YPEL1: variants seen among roughly 807,000 people sequenced by gnomAD.
YPEL1 encodes protein yippee-like 1.
YPEL1 carries 7 observed loss-of-function variants against 17.3 expected under a neutral mutation model. The ratio of observed to expected loss-of-function variants is 0.40; its 90% CI spans 0.23 to 0.76. The LOEUF (loss-of-function observed/expected upper bound fraction) is 0.76, where lower values mean the gene tolerates loss of function less well. Among genes scored for constraint, YPEL1 ranks in the 30% least tolerant of loss-of-function variants. The pLI is 0.35. For synonymous variants in YPEL1, 59 were observed against 59.6 expected (o/e 0.99, Z 0.05); for missense variants, 91 against 155.5 (o/e 0.59, Z 2.21).
intron 1 of YPEL1, among the ~76,000 whole-genome samples, chr22:21,728,172 GTGGTGTCACC>G (rs2068354046): frequency 6.6e-6 from 1 of 152,116 alleles, no homozygotes. Context: ...GTGAGAGGTG[GTGGTGTCACC>G]TGCCCGGCCA....
intron 2 of YPEL1, among the ~76,000 whole-genome samples, chr22:21,707,349 A>G (rs2068125449): frequency 6.6e-6 from 1 of 152,100 alleles, no homozygotes; most frequent in Admixed American, 6.6e-5. Flanking sequence ...CCCGGGAGAC[A>G]GAGGTTGCAG....
chr22:21,710,962 C>G (rs11914240), intron 1 of YPEL1, 54 bp from the exon 2 acceptor site: 1 of 568,790 alleles, frequency 1.8e-6, no homozygotes, highest in African/African-American at 1.9e-5. Context: ...GCGTGTGAAG[C>G]AGGTACATAT....
intron 1 of YPEL1, among the ~76,000 whole-genome samples, chr22:21,734,447 A>G (rs1449233991): frequency 6.6e-6 from 1 of 152,202 alleles, no homozygotes; most frequent in African/African-American, 2.4e-5. Context: ...TTTTTCCAAA[A>G]TAAGAAGTTA....
intron 1 of YPEL1, among the ~76,000 whole-genome samples, chr22:21,723,768 C>G (rs1484120037): frequency 6.6e-6 from 1 of 150,872 alleles, no homozygotes; most frequent in African/African-American, 2.4e-5. Flanking sequence ...CAGGTTCAAA[C>G]GATTCTCCTG....
chr22:21,733,029 T>C (rs2068403400), intron 1 of YPEL1, among the ~76,000 whole-genome samples: 1 of 152,104 alleles, frequency 6.6e-6, no homozygotes, highest in South Asian at 2.1e-4. Context: ...GGCTGTAGGA[T>C]TGCTTGAGCC....
At chr22:21,708,455 T>G (rs545791640) in intron 2 of YPEL1, among the ~76,000 whole-genome samples, 14 of 145,236 alleles carry the variant, frequency 9.6e-5, no homozygotes, top group African/African-American at 3.6e-4. Flanking sequence ...CATGTCTCAG[T>G]CTCCCAAATA....
At position 21,703,545 on chromosome 22, in the gene YPEL1, G is replaced by T; in HGVS notation, c.162-67C>A. Reference sequence around the variant, plus strand: ...CCCCTGACCAGGCCCTGCCCCCTCAGCGGGCCCCACCCCATCCTCCTAAGA... The same window carrying T: ...CCCCTGACCAGGCCCTGCCCCCTCATCGGGCCCCACCCCATCCTCCTAAGA... On this transcript the variant is annotated intron_variant, in intron 3 of 4. Transcript: ENST00000339468. The surrounding 1 kb of genome is among the most constrained non-coding windows in gnomAD (Gnocchi z 6.1). 1.4e-6 allele frequency: 2 copies of T among 1,428,694 alleles called. No individual in the cohort carries two copies. Among genetic ancestry groups the T allele is most frequent in the Non-Finnish European group, 1.9e-6 (2 of 1,028,904 alleles). 88.5% of individuals were successfully genotyped at this position (1,428,694 alleles called of 1,614,324 possible). A position where few individuals can be genotyped will look rare whatever the true frequency, so the allele number is the denominator to read the frequency against.
chr22:21,731,606 G>A (rs1343048028), intron 1 of YPEL1, among the ~76,000 whole-genome samples: 2 of 151,928 alleles, frequency 1.3e-5, no homozygotes, highest in African/African-American at 2.4e-5. Context: ...CGTTTGGGTG[G>A]CGGGGGTATA....
At position 21,697,756 on chromosome 22, in the gene YPEL1, A is replaced by C. The variant is rs2067995313; in HGVS notation, c.*3373T>G. On this transcript the variant is annotated 3_prime_UTR_variant, in exon 5 of 5. Coordinates refer to ENST00000339468, the MANE Select transcript of YPEL1 (RefSeq NM_013313.5). ...GGGCCATCTGCTCCCAGGGCAGGGG[A>C]CAGGCCACCAAGGACCTTTGGCAAA... 2 of 152,478 alleles carry C rather than the reference A, an allele frequency of 1.3e-5. No individual in the cohort carries two copies. Among genetic ancestry groups the C allele is most frequent in the Admixed American group, 1.3e-4 (2 of 15,298 alleles). 9.4% of individuals were successfully genotyped at this position (152,478 alleles called of 1,614,324 possible).
chr22:21,729,533 C>T (rs1382210314), intron 1 of YPEL1, among the ~76,000 whole-genome samples: 1 of 148,370 alleles, frequency 6.7e-6, no homozygotes, highest in Non-Finnish European at 1.5e-5. Flanking sequence ...GCCAGGAGGT[C>T]AAGGTTGCTG....
At chr22:21,707,305 T>C (rs767476849) in intron 2 of YPEL1, among the ~76,000 whole-genome samples, 1 of 152,076 alleles carries the variant, frequency 6.6e-6, no homozygotes, top group Non-Finnish European at 1.5e-5. Flanking sequence ...TAGTCCCAGC[T>C]ACTCAGAAGG....
intron 1 of YPEL1, among the ~76,000 whole-genome samples, chr22:21,719,249 T>C (rs1325517220): frequency 2.0e-5 from 3 of 152,338 alleles, no homozygotes; most frequent in South Asian, 2.1e-4. Context: ...ATGTGACAAC[T>C]TGTCAGTAGC....
At chr22:21,721,359 C>T (rs1045202069) in intron 1 of YPEL1, among the ~76,000 whole-genome samples, 7 of 151,944 alleles carry the variant, frequency 4.6e-5, no homozygotes, top group African/African-American at 1.7e-4. Flanking sequence ...ACCTCGTGAT[C>T]TGCCCGCCGC....
At chr22:21,707,242 A>AC (rs368657439) in intron 2 of YPEL1, among the ~76,000 whole-genome samples, 2 of 152,048 alleles carry the variant, frequency 1.3e-5, no homozygotes, top group Admixed American at 6.6e-5. Flanking sequence ...ACATGGTGAA[A>AC]CCCCCTCTAC....
chr22:21,721,018 C>T (rs561058354), intron 1 of YPEL1, among the ~76,000 whole-genome samples: 3 of 152,004 alleles, frequency 2.0e-5, no homozygotes, highest in African/African-American at 7.2e-5. Flanking sequence ...ACCATGTTGG[C>T]CAGGCTGGTC....
intron 1 of YPEL1, among the ~76,000 whole-genome samples, chr22:21,715,636 C>T (rs563238873): frequency 4.0e-5 from 6 of 151,598 alleles, no homozygotes; most frequent in East Asian, 3.9e-4. Flanking sequence ...GGCTGGAGTG[C>T]GATGGCACCA....
Position 21,698,548 on chromosome 22 carries a change from C to T in YPEL1, c.*2581G>A, listed in dbSNP as rs1444355095. On this transcript the variant is annotated 3_prime_UTR_variant, in exon 5 of 5. Coordinates refer to ENST00000339468, the MANE Select transcript of YPEL1 (RefSeq NM_013313.5). ...CGAACCTCCAACTGTTTCCCCTAGT[C>T]CCCGGGGCATCGGAGGCTGGGTTCC... 6.6e-6 allele frequency: 1 copy of T among 152,346 alleles called. No homozygotes were observed. The highest frequency in any genetic ancestry group is 1.5e-5 in the Non-Finnish European group (1 of 68,050). 9.4% of individuals were successfully genotyped at this position (152,346 alleles called of 1,614,324 possible).
rs1381199429 is a variant in YPEL1, at chr22:21,703,583, CAG to C, written c.162-107_162-106del. The C allele has an allele frequency of 1.0e-5, 11 of 1,070,074 alleles. No homozygotes were observed. In the East Asian group the frequency reaches 2.2e-4, roughly 21 times the overall value. 66.3% of individuals were successfully genotyped at this position (1,070,074 alleles called of 1,614,324 possible). On this transcript the variant is annotated intron_variant, in intron 3 of 4. Coordinates refer to ENST00000339468, the MANE Select transcript of YPEL1 (RefSeq NM_013313.5). This position sits in a 1 kb window ranked among gnomAD's most constrained non-coding sequence, Gnocchi z 6.1. ...CATCCTCCTAAGAGTTCCCCCAAAA[CAG>C]GGAAACTCCCAGAGAGCAGTGCCGT...
At chr22:21,724,208 A>G (rs1427462212) in intron 1 of YPEL1, among the ~76,000 whole-genome samples, 2 of 151,776 alleles carry the variant, frequency 1.3e-5, no homozygotes, top group Admixed American at 1.3e-4. Flanking sequence ...ACCTCATCAC[A>G]CTCTGCTTAA....
Sources: allele counts gnomAD v4.1 joint callset (sites outside exome capture counted in the v4.1 genomes callset), GRCh38; gene constraint gnomAD v4.1.1; non-coding constraint Gnocchi (gnomAD v3.1); transcripts MANE v1.5; gene names NCBI Gene and HGNC (gene_info 2026-07-23, HGNC 2026-07-21).